COL4A2: variants seen among roughly 807,000 people sequenced by gnomAD.
The protein encoded by COL4A2 is collagen type IV alpha 2 chain, also known as collagen alpha-2(IV) chain.
COL4A2 carries 99 observed loss-of-function variants against 200.2 expected under a neutral mutation model. The ratio of observed to expected loss-of-function variants is 0.49; its 90% CI spans 0.42 to 0.58. The LOEUF is 0.58. Ranked by LOEUF, COL4A2 falls within the 20% of genes least tolerant of loss-of-function variation. COL4A2 has a pLI of 0.00. For missense variants in COL4A2, 1,950 were observed against 2,314.1 expected, an observed-to-expected ratio of 0.84 and a Z score of 3.23; for synonymous variants, 897 against 900.6, an observed-to-expected ratio of 1.00 and a Z score of 0.07.
At chr13:110,502,474 A>C (rs968466012) in intron 41 of COL4A2, 1 of 152,464 alleles carries the variant, frequency 6.6e-6, no homozygotes, top group Non-Finnish European at 1.5e-5. Context: ...ACAGGTGTCC[A>C]CCACCAAGCC....
chr13:110,408,858 TAC>T (rs1879697461), intron 4 of COL4A2, among the ~76,000 whole-genome samples: 1 of 122,414 alleles, frequency 8.2e-6, no homozygotes, highest in African/African-American at 3.0e-5. Flanking sequence ...TATACACACA[TAC>T]ACGCACATAT....
At position 110,428,601 on chromosome 13, in the gene COL4A2, G is replaced by A. The variant is rs370059739; in HGVS notation, c.477+18G>A. The A allele has an allele frequency of 1.6e-4, 226 of 1,422,874 alleles. No homozygotes were observed. Among genetic ancestry groups the A allele is most frequent in the Non-Finnish European group, 2.0e-4 (207 of 1,059,748 alleles). 88.1% of individuals were successfully genotyped at this position (1,422,874 alleles called of 1,614,324 possible). A position where few individuals can be genotyped will look rare whatever the true frequency, so the allele number is the denominator to read the frequency against. ...GGCCTCCCGTGAGTATCCCCACAGC[G>A]CCTGTGCTCCAGGGACGGGCAGACC... On this transcript the variant is annotated intron_variant, in intron 7 of 47. Coordinates refer to ENST00000360467, the MANE Select transcript of COL4A2 (RefSeq NM_001846.4).
intron 32 of COL4A2, among the ~76,000 whole-genome samples, chr13:110,484,436 A>C: frequency 6.6e-6 from 1 of 151,714 alleles, no homozygotes; most frequent in Non-Finnish European, 1.5e-5. Context: ...GCAATTTCTC[A>C]GCTCCTCAGA....
chr13:110,452,569 A>G (rs1051221680), intron 20 of COL4A2, among the ~76,000 whole-genome samples: 1 of 152,230 alleles, frequency 6.6e-6, no homozygotes, highest in Non-Finnish European at 1.5e-5. Flanking sequence ...TTTAAAAGGT[A>G]GTAGTCACTT....
chr13:110,386,536 A>G (rs1251519270), intron 4 of COL4A2, among the ~76,000 whole-genome samples: 1 of 152,232 alleles, frequency 6.6e-6, no homozygotes, highest in South Asian at 2.1e-4. Context: ...GAAAATACTC[A>G]TAGGTTTTAT....
chr13:110,409,338 C>T (rs991571740), intron 4 of COL4A2, among the ~76,000 whole-genome samples: 3 of 152,176 alleles, frequency 2.0e-5, no homozygotes, highest in Non-Finnish European at 1.5e-5. Flanking sequence ...ATATTCCAAC[C>T]GCAAAGAAAG....
intron 18 of COL4A2, among the ~76,000 whole-genome samples, chr13:110,447,081 T>A (rs971158366): frequency 6.6e-6 from 1 of 152,254 alleles, no homozygotes; most frequent in Non-Finnish European, 1.5e-5. Flanking sequence ...GAGACCTTCA[T>A]GTTGCCTGTG....
intron 4 of COL4A2, among the ~76,000 whole-genome samples, chr13:110,417,337 C>A (rs1332125012): frequency 6.6e-6 from 1 of 151,904 alleles, no homozygotes; most frequent in African/African-American, 2.4e-5. Context: ...CCTTCCTTTT[C>A]GAACTGTTCT....
intron 34 of COL4A2, among the ~76,000 whole-genome samples, chr13:110,488,018 CTTTTG>C (rs770432007): frequency 6.6e-6 from 1 of 152,026 alleles, no homozygotes; most frequent in Non-Finnish European, 1.5e-5. Flanking sequence ...CACAAAGGAG[CTTTTG>C]TTTTGTTTTG....
intron 3 of COL4A2, among the ~76,000 whole-genome samples, chr13:110,315,587 G>A (rs144417427): frequency 1.6e-3 from 246 of 152,234 alleles, no homozygotes; most frequent in African/African-American, 5.4e-3. Context: ...GTAGAGACAG[G>A]GTTTCACCAT....
intron 27 of COL4A2, among the ~76,000 whole-genome samples, chr13:110,467,609 G>A (rs909486522): frequency 1.8e-4 from 27 of 152,224 alleles, no homozygotes; most frequent in Non-Finnish European, 8.8e-5. Flanking sequence ...AAGAGTCTGG[G>A]TGCCCTTCAC....
rs1268300912 is a variant in COL4A2 at position 110,354,020 on chromosome 13, A to G, written c.100-3452A>G. On this transcript the variant is annotated intron_variant, in intron 3 of 47. Transcript: ENST00000360467. The stretch of plus-strand genomic sequence containing the variant: ...TATGAATAACTCACTACAACTAAAT[A>G]CAGTGAATATCGTAAACCTAGAATA... 2.0e-5 allele frequency among the ~76,000 whole-genome samples: 3 copies of G among 152,268 alleles called. No individual in the cohort carries two copies. The East Asian group carries it at 5.8e-4, about 29-fold the overall frequency.
chr13:110,403,852 T>C (rs1208635171), intron 4 of COL4A2, among the ~76,000 whole-genome samples: 2 of 152,246 alleles, frequency 1.3e-5, no homozygotes, highest in East Asian at 3.8e-4. Flanking sequence ...AGGTGATTTA[T>C]GTACAACAGA....
chr13:110,428,040 T>C (rs1410308087), intron 6 of COL4A2, among the ~76,000 whole-genome samples: 1 of 152,236 alleles, frequency 6.6e-6, no homozygotes, highest in Non-Finnish European at 1.5e-5. Flanking sequence ...TTCTAAAATC[T>C]TTCCTAGAAT....
rs531357917 is a variant in COL4A2 at position 110,326,756 on chromosome 13, C to T, written c.99+18633C>T. On this transcript the variant is annotated intron_variant, in intron 3 of 47. Transcript: ENST00000360467. ...CCAGTGGAACCCCCTACATCCCATCCGATTCCTAATCTATTTCCTGGTGGT... is the reference window on the plus strand; with the variant it reads ...CCAGTGGAACCCCCTACATCCCATCTGATTCCTAATCTATTTCCTGGTGGT... Among the ~76,000 whole-genome samples, 14 of 152,286 alleles carry T rather than the reference C, an allele frequency of 9.2e-5. No individual in the cohort carries two copies. In the South Asian group the frequency reaches 2.1e-3, roughly 23 times the overall value.
intron 4 of COL4A2, among the ~76,000 whole-genome samples, chr13:110,359,450 A>G (rs1323807757): frequency 6.6e-6 from 1 of 152,172 alleles, no homozygotes; most frequent in Admixed American, 6.5e-5. Context: ...TATCTACCCT[A>G]GGACACATGC....
At chr13:110,339,153 G>A (rs960773988) in intron 3 of COL4A2, among the ~76,000 whole-genome samples, 1 of 152,214 alleles carries the variant, frequency 6.6e-6, no homozygotes, top group African/African-American at 2.4e-5. Context: ...GATGAAGAGT[G>A]TGATTGAGCT....
chr13:110,439,912 T>C, intron 16 of COL4A2, 79 bp downstream of exon 16: 1 of 1,539,420 alleles, frequency 6.5e-7, no homozygotes, highest in Non-Finnish European at 8.7e-7. Context: ...CCTTGGCATC[T>C]CAGGAAAGAA....
At chr13:110,436,004 C>T (rs1232317306) in intron 12 of COL4A2, 3 of 549,610 alleles carry the variant, frequency 5.5e-6, no homozygotes, top group African/African-American at 3.8e-5. Flanking sequence ...GAAACAACCC[C>T]ACAGAAACAA....
Sources: gnomAD v4.1 joint callset for allele counts (sites outside exome capture counted in the v4.1 genomes callset) on GRCh38, gnomAD v4.1.1 for gene constraint, MANE v1.5 for transcripts, NCBI Gene and HGNC (gene_info 2026-07-23, HGNC 2026-07-21) for gene names.